The following AFG1L variants were observed in gnomAD, a reference collection of about 807,000 sequenced individuals.
AFG1L encodes AFG1-like ATPase.
In AFG1L, 53 loss-of-function variants were observed where a neutral mutation model predicts 62.2. The ratio of observed to expected loss-of-function variants is 0.85; its 90% CI spans 0.68 to 1.07. AFG1L has a LOEUF of 1.07. Among genes scored for constraint, AFG1L ranks in the 50% least tolerant of loss-of-function variants. The pLI is 0.00. For synonymous variants in AFG1L, 228 were observed against 210.3 expected, an observed-to-expected ratio of 1.08 and a Z score of -0.73; for missense variants, 555 against 590.5, an observed-to-expected ratio of 0.94 and a Z score of 0.62.
intron 6 of AFG1L, among the ~76,000 whole-genome samples, chr6:108,373,242 A>T (rs868158324): frequency 6.6e-6 from 1 of 151,930 alleles, no homozygotes; most frequent in Admixed American, 6.6e-5. Context: ...CTTTATGTCC[A>T]TGAGTACCCG....
chr6:108,322,413 A>C (rs1777849469), intron 1 of AFG1L, among the ~76,000 whole-genome samples: 1 of 152,120 alleles, frequency 6.6e-6, no homozygotes, highest in African/African-American at 2.4e-5. Context: ...AGCCAGGAGG[A>C]TATGCCCTTT....
intron 7 of AFG1L, among the ~76,000 whole-genome samples, chr6:108,438,590 G>C (rs1329537740): frequency 1.3e-5 from 2 of 151,856 alleles, no homozygotes; most frequent in African/African-American, 4.8e-5. Context: ...TTCCTCAACT[G>C]TAAAATGGGG....
intron 2 of AFG1L, among the ~76,000 whole-genome samples, chr6:108,332,513 G>C (rs927123143): frequency 1.3e-5 from 2 of 152,156 alleles, no homozygotes; most frequent in Non-Finnish European, 2.9e-5. Context: ...GTAAAATTAG[G>C]TACTTACCTC....
At chr6:108,420,608 CT>C (rs1164657344) in intron 7 of AFG1L, among the ~76,000 whole-genome samples, 1 of 151,430 alleles carries the variant, frequency 6.6e-6, no homozygotes, top group South Asian at 2.1e-4. Flanking sequence ...AAATACAGTC[CT>C]TTTCCATCTT....
At chr6:108,420,703 CTAAT>C (rs1306435451) in intron 7 of AFG1L, among the ~76,000 whole-genome samples, 3 of 151,712 alleles carry the variant, frequency 2.0e-5, no homozygotes, top group Non-Finnish European at 4.4e-5. Flanking sequence ...AATATTTTCT[CTAAT>C]TATCTCATAT....
chr6:108,468,650 A>G (rs9486893), intron 8 of AFG1L, among the ~76,000 whole-genome samples: 57,239 of 142,894 alleles, frequency 0.4, 11,368 homozygotes, highest in African/African-American at 0.55. Context: ...TCTTCTCCCC[A>G]CCCCTCCACC....
At chr6:108,460,087 C>T (rs371302919) in intron 8 of AFG1L, among the ~76,000 whole-genome samples, 16 of 151,954 alleles carry the variant, frequency 1.1e-4, no homozygotes, top group African/African-American at 2.9e-4. Flanking sequence ...AAAGCTACAG[C>T]GCAATAAAAA....
intron 6 of AFG1L, among the ~76,000 whole-genome samples, chr6:108,371,642 G>A (rs995666318): frequency 6.6e-6 from 1 of 151,544 alleles, no homozygotes; most frequent in African/African-American, 2.4e-5. Context: ...TGGGATTATA[G>A]GCTTGAGTCC....
At chr6:108,406,031 G>A (rs1781838057) in intron 7 of AFG1L, among the ~76,000 whole-genome samples, 1 of 152,188 alleles carries the variant, frequency 6.6e-6, no homozygotes, top group Admixed American at 6.5e-5. Context: ...CCGTTCACCT[G>A]CCAATGGGCA....
At chr6:108,301,906 T>A (rs928130605) in intron 1 of AFG1L, among the ~76,000 whole-genome samples, 1 of 151,950 alleles carries the variant, frequency 6.6e-6, no homozygotes, top group African/African-American at 2.4e-5. Context: ...AGAGCCAGTC[T>A]AAATTGCAGA....
intron 6 of AFG1L, among the ~76,000 whole-genome samples, chr6:108,376,127 C>A (rs1449484463): frequency 6.6e-6 from 1 of 151,946 alleles, no homozygotes; most frequent in East Asian, 1.9e-4. Flanking sequence ...CTCTGAGGAT[C>A]TTTTGTATTT....
intron 7 of AFG1L, among the ~76,000 whole-genome samples, chr6:108,402,906 T>C (rs958434168): frequency 6.6e-6 from 1 of 152,172 alleles, no homozygotes; most frequent in Non-Finnish European, 1.5e-5. Flanking sequence ...ATAAATTGTT[T>C]AAATATTTGT....
At chr6:108,349,329 C>G (rs1422618265) in intron 3 of AFG1L, among the ~76,000 whole-genome samples, 2 of 151,804 alleles carry the variant, frequency 1.3e-5, no homozygotes, top group Non-Finnish European at 2.9e-5. Context: ...ACAAAAAATA[C>G]AAAAATTAGC....
intron 1 of AFG1L, among the ~76,000 whole-genome samples, chr6:108,317,089 T>C (rs1432717218): frequency 1.3e-5 from 2 of 152,196 alleles, no homozygotes; most frequent in East Asian, 3.8e-4. Context: ...ACAATTCTTG[T>C]AAGGATATCA....
At chr6:108,421,149 A>G (rs936728426) in intron 7 of AFG1L, among the ~76,000 whole-genome samples, 1 of 152,312 alleles carries the variant, frequency 6.6e-6, no homozygotes, top group South Asian at 2.1e-4. Context: ...AAAAGAAAGC[A>G]TGAGGAGAAG....
chr6:108,518,343 C>T (rs1774983635), intron 11 of AFG1L, among the ~76,000 whole-genome samples: 1 of 152,224 alleles, frequency 6.6e-6, no homozygotes, highest in East Asian at 1.9e-4. Flanking sequence ...AGTTCATGTC[C>T]TTTGTAGGGA....
chr6:108,494,005 AT>A (rs1462082830), intron 10 of AFG1L, among the ~76,000 whole-genome samples: 1 of 151,722 alleles, frequency 6.6e-6, no homozygotes, highest in Non-Finnish European at 1.5e-5. Flanking sequence ...TAATTTTTGT[AT>A]TTTAGTAGAG....
intron 2 of AFG1L, among the ~76,000 whole-genome samples, chr6:108,330,232 T>C (rs192418704): frequency 6.8e-6 from 1 of 148,114 alleles, no homozygotes; most frequent in Non-Finnish European, 1.5e-5. Context: ...CAGGCTGGAG[T>C]ACAGTGGTGT....
At chr6:108,385,296 C>T (rs147828615) in intron 6 of AFG1L, among the ~76,000 whole-genome samples, 67 of 152,358 alleles carry the variant, frequency 4.4e-4, no homozygotes, top group African/African-American at 1.1e-3. Context: ...ATGATGCCCA[C>T]GCTGAAGGTT....
Sources: gnomAD v4.1 joint callset for allele counts (sites outside exome capture counted in the v4.1 genomes callset) on GRCh38, gnomAD v4.1.1 for gene constraint, MANE v1.5 for transcripts, NCBI Gene and HGNC (gene_info 2026-07-23, HGNC 2026-07-21) for gene names.